The following SMAP1 variants were observed in gnomAD, a reference collection of about 807,000 sequenced individuals.
The protein encoded by SMAP1 is stromal membrane-associated protein 1.
SMAP1 carries 24 observed loss-of-function variants against 58.5 expected under a neutral mutation model. The ratio of observed to expected loss-of-function variants is 0.41; its 90% CI spans 0.30 to 0.58. The LOEUF (loss-of-function observed/expected upper bound fraction) is 0.58. Among genes scored for constraint, SMAP1 ranks in the 20% least tolerant of loss-of-function variants. SMAP1 has a pLI of 0.29. For missense variants in SMAP1, 563 were observed against 566.3 expected (o/e 0.99, Z 0.06); for synonymous variants, 216 against 196.6 (o/e 1.10, Z -0.82).
chr6:70,787,287 C>G (rs1444283612), intron 4 of SMAP1, among the ~76,000 whole-genome samples: 3 of 152,146 alleles, frequency 2.0e-5, no homozygotes, highest in African/African-American at 7.2e-5. Flanking sequence ...ACACCTTATA[C>G]AAAAATTAAT....
rs547875928 is a variant in SMAP1, at chr6:70,684,598, A to G, written c.118+16457A>G. On this transcript the variant is annotated intron_variant, in intron 1 of 10. Coordinates refer to ENST00000370455, the MANE Select transcript of SMAP1 (RefSeq NM_001044305.3). ...AAGTTCAACTTCTTTGCCAAAGTAA[A>G]CTAACATTTAAAAAATTTCAGGGGA... 7.9e-5 allele frequency among the ~76,000 whole-genome samples: 12 copies of G among 152,346 alleles called. No homozygotes were observed. In the South Asian group the frequency reaches 2.3e-3, roughly 29 times the overall value.
chr6:70,757,865 AAAC>A (rs1280869491), intron 3 of SMAP1, among the ~76,000 whole-genome samples: 9 of 151,888 alleles, frequency 5.9e-5, no homozygotes, highest in African/African-American at 2.2e-4. Context: ...AAAAGTCAGG[AAAC>A]AACAGGTGCT....
At chr6:70,777,847 G>T (rs955762529) in intron 4 of SMAP1, among the ~76,000 whole-genome samples, 1 of 151,826 alleles carries the variant, frequency 6.6e-6, no homozygotes, top group East Asian at 1.9e-4. Flanking sequence ...CCGCCTCCTG[G>T]GTTCAAGTGA....
chr6:70,734,573 G>C (rs1765550649), intron 2 of SMAP1: 1 of 152,536 alleles, frequency 6.6e-6, no homozygotes, highest in Non-Finnish European at 1.5e-5. Flanking sequence ...ACAGCCTGCT[G>C]CTCAGCATCG....
intron 3 of SMAP1, among the ~76,000 whole-genome samples, chr6:70,761,216 T>C (rs1398505675): frequency 1.3e-5 from 2 of 152,072 alleles, no homozygotes; most frequent in Admixed American, 6.6e-5. Flanking sequence ...TTTTGTAGGC[T>C]TGTATAGTAC....
At chr6:70,740,727 CACTT>C (rs1402497309) in intron 2 of SMAP1, among the ~76,000 whole-genome samples, 4 of 152,132 alleles carry the variant, frequency 2.6e-5, no homozygotes, top group Non-Finnish European at 2.9e-5. Context: ...GGCCCATTCA[CACTT>C]AATTGTTATT....
At chr6:70,678,729 G>A (rs903541218) in intron 1 of SMAP1, among the ~76,000 whole-genome samples, 1 of 152,114 alleles carries the variant, frequency 6.6e-6, no homozygotes, top group African/African-American at 2.4e-5. Flanking sequence ...TTCCAGCTTG[G>A]AGAGGCCACC....
At chr6:70,673,172 G>A (rs1766337865) in intron 1 of SMAP1, among the ~76,000 whole-genome samples, 1 of 152,170 alleles carries the variant, frequency 6.6e-6, no homozygotes, top group East Asian at 1.9e-4. Context: ...GCTGGAGGAG[G>A]GAAAGTCAGG....
Position 70,755,069 on chromosome 6 carries a change from T to C in SMAP1, c.338+4T>C, listed in dbSNP as rs767853131. 1.9e-5 allele frequency: 30 copies of C among 1,600,730 alleles called. No individual in the cohort carries two copies. Among genetic ancestry groups the C allele is most frequent in the Non-Finnish European group, 2.4e-5 (28 of 1,170,810 alleles). ...TTCGAAGACCACAGACAGATCAGTA[T>C]CCTTTAAAACTTATTTGTTTTGAGT... On this transcript the variant is annotated splice_donor_region_variant and intron_variant, in intron 3 of 10. Transcript: ENST00000370455.
intron 6 of SMAP1, among the ~76,000 whole-genome samples, chr6:70,819,805 TAAG>T (rs1407412917): frequency 1.3e-5 from 2 of 152,238 alleles, no homozygotes; most frequent in Admixed American, 6.5e-5. Flanking sequence ...TAAATTCTGC[TAAG>T]AAGAAGAGTA....
At chr6:70,855,591 A>G (rs1771382074) in intron 8 of SMAP1, among the ~76,000 whole-genome samples, 1 of 152,218 alleles carries the variant, frequency 6.6e-6, no homozygotes, top group South Asian at 2.1e-4. Context: ...AATATTAACA[A>G]TAAACACCAA....
Position 70,861,983 on chromosome 6 carries a change from GT to G in SMAP1, c.*1650del. 6.4e-7 allele frequency: 1 copy of G among 1,558,476 alleles called. No homozygotes were observed. Among genetic ancestry groups the G allele is most frequent in the Admixed American group, 2.1e-5 (1 of 48,378 alleles). Reference sequence around the variant, plus strand: ...CTTGAAGACTTACAGCAAATCCTTTGTGAAAAATAAAAAAAAAAAAGAGACT... The same window carrying G: ...CTTGAAGACTTACAGCAAATCCTTTGGAAAAATAAAAAAAAAAAAGAGACT... On this transcript the variant is annotated 3_prime_UTR_variant, in exon 11 of 11. Transcript: ENST00000370455.
chr6:70,761,853 G>A (rs1346394694), intron 3 of SMAP1, among the ~76,000 whole-genome samples: 10 of 152,080 alleles, frequency 6.6e-5, no homozygotes, highest in East Asian at 1.9e-4. Context: ...AAATTCATAC[G>A]TTAAATTCTT....
intron 7 of SMAP1, among the ~76,000 whole-genome samples, chr6:70,851,236 T>C (rs1029861350): frequency 1.3e-5 from 2 of 150,906 alleles, no homozygotes; most frequent in African/African-American, 4.9e-5. Flanking sequence ...ATCGTGACTA[T>C]GTGTTAATAA....
At chr6:70,817,386 G>C (rs1404910253) in intron 6 of SMAP1, among the ~76,000 whole-genome samples, 1 of 151,984 alleles carries the variant, frequency 6.6e-6, no homozygotes, top group Non-Finnish European at 1.5e-5. Flanking sequence ...TGATTCTTCT[G>C]ATCTTTGGAA....
Position 70,852,590 on chromosome 6 carries a change from CT to C in SMAP1, c.716del (p.Leu239ArgfsTer11). On this transcript the variant is annotated frameshift_variant, in exon 8 of 11. Transcript: ENST00000370455. LOFTEE classifies it high-confidence loss of function. ...VTNGNTTVPP[L>X]NDDLDIFGPM... ...CAACGGGAACACAACGGTGCCACCC[CT>C]GAACGATGATCTGGACATCTTTGGA... 2 of 1,610,400 alleles carry C rather than the reference CT, an allele frequency of 1.2e-6. No individual in the cohort carries two copies. Among genetic ancestry groups the C allele is most frequent in the Non-Finnish European group, 1.7e-6 (2 of 1,178,172 alleles).
intron 5 of SMAP1, among the ~76,000 whole-genome samples, chr6:70,793,139 A>G (rs1182833048): frequency 1.3e-5 from 2 of 151,358 alleles, no homozygotes; most frequent in Non-Finnish European, 2.9e-5. Context: ...GGTTCAAGCG[A>G]CTCTCCTGCC....
chr6:70,791,604 A>C, intron 4 of SMAP1, 85 bp from the exon 5 acceptor site: 2 of 1,104,986 alleles, frequency 1.8e-6, no homozygotes, highest in Non-Finnish European at 2.6e-6. Flanking sequence ...AAAAATATAC[A>C]GGGATTTTTT....
chr6:70,699,023 C>T (rs1371698126), intron 1 of SMAP1, among the ~76,000 whole-genome samples: 1 of 152,156 alleles, frequency 6.6e-6, no homozygotes, highest in Non-Finnish European at 1.5e-5. Context: ...CTTGTTTGTC[C>T]TCATCCTTCT....
Sources: gnomAD v4.1 joint callset for allele counts (sites outside exome capture counted in the v4.1 genomes callset) on GRCh38, gnomAD v4.1.1 for gene constraint, MANE v1.5 for transcripts, NCBI Gene and HGNC (gene_info 2026-07-23, HGNC 2026-07-21) for gene names.